Variants in MDFIC observed in about 807,000 individuals in gnomAD.
MDFIC encodes the protein myoD family inhibitor domain-containing protein.
Under a neutral mutation model 23.2 loss-of-function variants are expected in MDFIC, and 17 were observed. The observed-to-expected ratio is 0.73, with a 90% CI of 0.50 to 1.10. The LOEUF (loss-of-function observed/expected upper bound fraction) is 1.10. Among genes scored for constraint, MDFIC ranks in the 50% least tolerant of loss-of-function variants. MDFIC has a pLI of 0.00. For synonymous variants in MDFIC, 120 were observed against 115.2 expected (o/e 1.04, Z -0.27); for missense variants, 356 against 316.6 (o/e 1.12, Z -0.95).
chr7:114,967,138 T>G lies in MDFIC; in HGVS notation c.218-12368T>G, dbSNP rs146149565. 6.3e-3 allele frequency among the ~76,000 whole-genome samples: 955 copies of G among 152,272 alleles called. 11 individuals carry two copies. The highest frequency in any genetic ancestry group is 0.022 in the African/African-American group (921 of 41,540). ...AAATTGCTTGTTGCTCTCTGAACAT[T>G]TGCATCTTTCTTAAGAGATTACAGA... On this transcript the variant is annotated intron_variant, in intron 3 of 4. Transcript: ENST00000393486.
In MDFIC at chr7:114,998,030, G is replaced by A. The variant is rs149812479; in HGVS notation, c.494-17658G>A. 3.4e-3 allele frequency among the ~76,000 whole-genome samples: 514 copies of A among 152,210 alleles called. 2 individuals carry two copies. Among genetic ancestry groups the A allele is most frequent in the African/African-American group, 0.012 (493 of 41,554 alleles). On this transcript the variant is annotated intron_variant, in intron 4 of 4. Transcript: ENST00000393486. ...AAAATATTTTATCATTTGGGACGATGAAAAATACACTAAAAGTTTCCATTG... is the reference window on the plus strand; with the variant it reads ...AAAATATTTTATCATTTGGGACGATAAAAAATACACTAAAAGTTTCCATTG...
chr7:114,979,833 T>A, intron 4 of MDFIC, 52 bp downstream of exon 4: 1 of 1,560,726 alleles, frequency 6.4e-7, no homozygotes, highest in South Asian at 1.1e-5. Flanking sequence ...AAATAATATT[T>A]CCTGGTAATT....
chr7:114,942,323 A>G lies in MDFIC; in HGVS notation c.143A>G (p.Asn48Ser), dbSNP rs773242827. ...GAGAAAGATATAACTCAAGCTACCA[A>G]TAGCCACTTCACACATGGAGAGATG... is the stretch of plus-strand genomic sequence containing the variant. ...NTEKDITQATNSHFTHGEMQD... is the reference protein window; with the variant it reads ...NTEKDITQATSSHFTHGEMQD... The change falls in exon 3 of 5, where the codon AAT (asparagine) becomes AGT (serine). Residue 48 changes from asparagine to serine, a missense_variant. Transcript: ENST00000393486. 7.5e-6 allele frequency: 12 copies of G among 1,597,832 alleles called. No homozygotes were observed. Among genetic ancestry groups the G allele is most frequent in the Non-Finnish European group, 8.6e-6 (10 of 1,167,066 alleles).
intron 3 of MDFIC, among the ~76,000 whole-genome samples, chr7:114,968,325 G>A (rs1325881402): frequency 6.6e-6 from 1 of 152,174 alleles, no homozygotes; most frequent in East Asian, 1.9e-4. Flanking sequence ...GAAAGCAAAT[G>A]AGAATGAGAA....
intron 2 of MDFIC, among the ~76,000 whole-genome samples, chr7:114,931,350 G>A (rs1792305486): frequency 1.3e-5 from 2 of 152,180 alleles, no homozygotes; most frequent in Non-Finnish European, 2.9e-5. Flanking sequence ...ATGATCTCAA[G>A]TGAGATGATT....
chr7:114,985,633 T>C (rs1434845600), intron 4 of MDFIC, among the ~76,000 whole-genome samples: 1 of 151,882 alleles, frequency 6.6e-6, no homozygotes, highest in African/African-American at 2.4e-5. Context: ...TCCTCTCCCA[T>C]CTCTCACCAC....
chr7:115,014,281 C>T (rs1164649671), intron 4 of MDFIC: 7 of 985,246 alleles, frequency 7.1e-6, no homozygotes, highest in South Asian at 4.7e-5. Flanking sequence ...GCCGTAGGTA[C>T]CCTGGTGTTT....
chr7:114,938,890 A>G lies in MDFIC; in HGVS notation c.95-3385A>G, dbSNP rs185481263. ...GAGTTCTTTGTTTCTCATTTCAGAA[A>G]TAACATGAAAAACCTACTCTGATAA... On this transcript the variant is annotated intron_variant, in intron 2 of 4. Transcript: ENST00000393486. Among the ~76,000 whole-genome samples, 12 of 152,324 alleles carry G rather than the reference A, an allele frequency of 7.9e-5. No homozygotes were observed. In the East Asian group the frequency reaches 1.3e-3, roughly 17 times the overall value.
intron 3 of MDFIC, among the ~76,000 whole-genome samples, chr7:114,944,677 G>A (rs114322193): frequency 0.066 from 10,052 of 152,234 alleles, 520 homozygotes; most frequent in African/African-American, 0.14. Flanking sequence ...AATTTAGTCT[G>A]TCTGTCTTAA....
intron 2 of MDFIC, among the ~76,000 whole-genome samples, chr7:114,936,051 C>T (rs1004313203): frequency 2.0e-5 from 3 of 152,128 alleles, no homozygotes; most frequent in African/African-American, 7.2e-5. Context: ...ATTTCCACAT[C>T]CACCTTACGA....
At chr7:115,003,879 TG>T (rs1791513585) in intron 4 of MDFIC, among the ~76,000 whole-genome samples, 1 of 152,216 alleles carries the variant, frequency 6.6e-6, no homozygotes, top group Non-Finnish European at 1.5e-5. Flanking sequence ...AATTGGATAT[TG>T]GATATTCCAT....
At chr7:114,931,056 TC>T (rs1792298972) in intron 2 of MDFIC, among the ~76,000 whole-genome samples, 1 of 152,092 alleles carries the variant, frequency 6.6e-6, no homozygotes, top group Non-Finnish European at 1.5e-5. Context: ...TCTCCCTCCG[TC>T]CCCTTTTCCT....
In MDFIC at chr7:114,979,643, G is replaced by C. The variant is rs751451835; in HGVS notation, c.355G>C (p.Asp119His). The C allele has an allele frequency of 8.1e-6, 13 of 1,613,936 alleles. No homozygotes were observed. The East Asian group carries it at 1.1e-4, about 14-fold the overall frequency. Reference sequence around the variant, plus strand: ...CCACGGGGCCAAACACGGATCCGCAGATAATCGCAAACTTTCAGCACCTGT... The same window carrying C: ...CCACGGGGCCAAACACGGATCCGCACATAATCGCAAACTTTCAGCACCTGT... ...IHHGAKHGSADNRKLSAPVSQ... is the reference protein window; with the variant it reads ...IHHGAKHGSAHNRKLSAPVSQ... The change falls in exon 4 of 5, where the codon GAT (aspartate) becomes CAT (histidine). Residue 119 changes from aspartate (D) to histidine (H), a missense_variant. Physicochemically the swap from Asp to His is moderately conservative, Grantham distance 81. Coordinates refer to ENST00000393486, the MANE Select transcript of MDFIC (RefSeq NM_001166345.3).
intron 3 of MDFIC, among the ~76,000 whole-genome samples, chr7:114,954,156 C>T (rs1212820239): frequency 6.6e-5 from 10 of 152,210 alleles, no homozygotes; most frequent in Admixed American, 6.5e-4. Context: ...TATTGATATA[C>T]CTTGGACTTT....
At position 114,922,305 on chromosome 7, in the gene MDFIC, G is replaced by C; in HGVS notation, c.-439G>C. On this transcript the variant is annotated 5_prime_UTR_variant, in exon 1 of 5. Coordinates refer to ENST00000393486, the MANE Select transcript of MDFIC (RefSeq NM_001166345.3). The stretch of plus-strand genomic sequence containing the variant: ...ATGTGATGAAAAAGAGCAACAGAGG[G>C]AGAAGTGTTTCAGGATTGTAGGAGT... 1.1e-6 allele frequency: 1 copy of C among 892,890 alleles called. No homozygotes were observed. The highest frequency in any genetic ancestry group is 1.5e-6 in the Non-Finnish European group (1 of 679,010). 55.3% of individuals were successfully genotyped at this position (892,890 alleles called of 1,614,324 possible).
chr7:114,979,244 C>T (rs959241728), intron 3 of MDFIC, among the ~76,000 whole-genome samples: 1 of 151,968 alleles, frequency 6.6e-6, no homozygotes, highest in Non-Finnish European at 1.5e-5. Context: ...TCTTTAAAAC[C>T]GCCCAAAACA....
intron 3 of MDFIC, among the ~76,000 whole-genome samples, chr7:114,945,337 G>A (rs1792623487): frequency 6.6e-6 from 1 of 152,174 alleles, no homozygotes; most frequent in African/African-American, 2.4e-5. Flanking sequence ...TGTATTCTCA[G>A]GCCTCATAAG....
chr7:115,000,888 C>T (rs926620473), intron 4 of MDFIC, among the ~76,000 whole-genome samples: 1 of 152,166 alleles, frequency 6.6e-6, no homozygotes, highest in South Asian at 2.1e-4. Flanking sequence ...GGAAGTGCTT[C>T]GAAGTCAACA....
intron 2 of MDFIC, among the ~76,000 whole-genome samples, chr7:114,924,123 A>G (rs1475878088): frequency 6.6e-6 from 1 of 152,224 alleles, no homozygotes; most frequent in East Asian, 1.9e-4. Flanking sequence ...GTTAAACTGA[A>G]TTACATTTAT....
Sources: gnomAD v4.1 joint callset for allele counts (sites outside exome capture counted in the v4.1 genomes callset) on GRCh38, gnomAD v4.1.1 for gene constraint, MANE v1.5 for transcripts, NCBI Gene and HGNC (gene_info 2026-07-23, HGNC 2026-07-21) for gene names.